WFDC2: variants seen among roughly 807,000 people sequenced by gnomAD.
WFDC2 encodes WAP four-disulfide core domain protein 2.
In WFDC2, 8 loss-of-function variants were observed where a neutral mutation model predicts 12.5. The observed-to-expected ratio is 0.64, with a 90% CI of 0.37 to 1.15. The LOEUF (loss-of-function observed/expected upper bound fraction) is 1.15. Ranked by LOEUF, WFDC2 falls within the 50% of genes most tolerant of loss-of-function variation. The probability of loss-of-function intolerance (pLI) is 0.01; values close to 1 mark genes in which losing one functional copy is unlikely to be tolerated. For synonymous variants in WFDC2, 74 were observed against 67.2 expected (o/e 1.10, Z -0.49); for missense variants, 166 against 159.9 (o/e 1.04, Z -0.21).
rs193257346 is a variant in WFDC2 at position 45,470,288 on chromosome 20, G to A, written c.80-101G>A. 2.4e-5 allele frequency: 35 copies of A among 1,455,158 alleles called. No homozygotes were observed. The African/African-American group carries it at 4.2e-4, about 18-fold the overall frequency. 90.1% of individuals were successfully genotyped at this position (1,455,158 alleles called of 1,614,324 possible). A position where few individuals can be genotyped will look rare whatever the true frequency, so the allele number is the denominator to read the frequency against. On this transcript the variant is annotated intron_variant, in intron 1 of 3. Coordinates refer to ENST00000372676, the MANE Select transcript of WFDC2 (RefSeq NM_006103.4). This position sits in a 1 kb window ranked among gnomAD's most constrained non-coding sequence, Gnocchi z 5.4. The stretch of plus-strand genomic sequence containing the variant: ...CTGTAAGGGGACTCCTAGGGCCAGA[G>A]ACTGAGAATTCCTTGGGGTTAAGGT...
chr20:45,476,580 C>A (rs983462593), intron 2 of WFDC2, among the ~76,000 whole-genome samples: 8 of 152,216 alleles, frequency 5.3e-5, no homozygotes, highest in African/African-American at 1.9e-4. Context: ...GTAACCCAAC[C>A]TTTCTCTCTG....
At chr20:45,476,104 C>G (rs573893009) in intron 2 of WFDC2, among the ~76,000 whole-genome samples, 115 of 152,254 alleles carry the variant, frequency 7.6e-4, no homozygotes, top group Non-Finnish European at 1.3e-3. Context: ...ATACAGCACA[C>G]CAATGGGTCT....
chr20:45,481,346 T>A (rs1991298934), intron 3 of WFDC2, 25 bp from the exon 4 acceptor site: 1 of 152,240 alleles, frequency 6.6e-6, no homozygotes, highest in African/African-American at 2.4e-5. Context: ...TTGTTGATGG[T>A]ATTGTTATAA....
intron 2 of WFDC2, among the ~76,000 whole-genome samples, chr20:45,477,911 G>A (rs1991253563): frequency 1.3e-5 from 2 of 152,360 alleles, no homozygotes; most frequent in South Asian, 2.1e-4. Flanking sequence ...TTGCCGAGCT[G>A]TGTTGGGCTC....
intron 2 of WFDC2, among the ~76,000 whole-genome samples, chr20:45,473,742 G>A (rs182786064): frequency 1.0e-3 from 155 of 152,254 alleles, no homozygotes; most frequent in Non-Finnish European, 1.5e-3. Flanking sequence ...AGCTTGATGG[G>A]GATAGCATTG....
chr20:45,470,842 T>C lies in WFDC2; in HGVS notation c.223+310T>C, dbSNP rs1454244119. The stretch of plus-strand genomic sequence containing the variant: ...CGGCCTGGGGACCCGGGGCCGCAGT[T>C]TCCTTCTCGAACCGGCCGAAGCCTG... On this transcript the variant is annotated intron_variant, in intron 2 of 3. Transcript: ENST00000372676. This position sits in a 1 kb window ranked among gnomAD's most constrained non-coding sequence, Gnocchi z 5.4. Among the ~76,000 whole-genome samples the C allele has an allele frequency of 6.6e-6, 1 of 152,088 alleles. No individual in the cohort carries two copies. Among genetic ancestry groups the C allele is most frequent in the Non-Finnish European group, 1.5e-5 (1 of 67,992 alleles).
chr20:45,481,326 A>G (rs1177380003), intron 3 of WFDC2, 45 bp from the exon 4 acceptor site: 1 of 152,128 alleles, frequency 6.6e-6, no homozygotes, highest in Non-Finnish European at 1.5e-5. Context: ...GCCTAGTCTA[A>G]TGGATATTGT....
chr20:45,471,263 G>T, intron 2 of WFDC2: 1 of 446,848 alleles, frequency 2.2e-6, no homozygotes, highest in Non-Finnish European at 4.8e-6. Context: ...GTGAGCGCGA[G>T]CTGGGGACTC....
intron 2 of WFDC2, chr20:45,471,157 A>T (rs977471376): frequency 8.5e-6 from 4 of 471,192 alleles, no homozygotes; most frequent in African/African-American, 8.0e-5. Context: ...TTTCAGGCCA[A>T]CTGGCTGAGT....
At chr20:45,478,816 G>T (rs548957062) in intron 2 of WFDC2, among the ~76,000 whole-genome samples, 1 of 145,894 alleles carries the variant, frequency 6.9e-6, no homozygotes. Flanking sequence ...TTAGTAGAGC[G>T]GGGGGTCTCG....
intron 3 of WFDC2, 24 bp downstream of exon 3, chr20:45,480,118 T>C: frequency 6.2e-7 from 1 of 1,610,932 alleles, no homozygotes; most frequent in East Asian, 2.2e-5. Flanking sequence ...AAAGAGAAAG[T>C]GCATTGATGG....
chr20:45,480,127 G>A, intron 3 of WFDC2, 33 bp downstream of exon 3: 1 of 1,609,574 alleles, frequency 6.2e-7, no homozygotes, highest in Non-Finnish European at 8.5e-7. Context: ...GTGCATTGAT[G>A]GCCAGGTGTT....
At chr20:45,471,191 T>C (rs1991167573) in intron 2 of WFDC2, 1 of 471,106 alleles carries the variant, frequency 2.1e-6, no homozygotes, top group Non-Finnish European at 4.4e-6. Context: ...TGAGGAATCC[T>C]CCCTGGACAC....
chr20:45,473,040 T>C (rs1991192140), intron 2 of WFDC2, among the ~76,000 whole-genome samples: 1 of 152,044 alleles, frequency 6.6e-6, no homozygotes, highest in Non-Finnish European at 1.5e-5. Flanking sequence ...GGGGTTTTTT[T>C]CTCGTAAATT....
intron 2 of WFDC2, chr20:45,471,204 TATCG>T: frequency 2.1e-6 from 1 of 469,942 alleles, no homozygotes; most frequent in South Asian, 1.6e-5. Context: ...CTGGACACTG[TATCG>T]CCCTTCGTCG....
chr20:45,470,240 C>A lies in WFDC2; in HGVS notation c.80-149C>A. ...CTCCCAGGGGTCAGGGACTCCTGGT[C>A]TGGAAGAAGGAGTCTCTGGGGGCTG... On this transcript the variant is annotated intron_variant, in intron 1 of 3. Coordinates refer to ENST00000372676, the MANE Select transcript of WFDC2 (RefSeq NM_006103.4). This position sits in a 1 kb window ranked among gnomAD's most constrained non-coding sequence, Gnocchi z 5.4. The A allele has an allele frequency of 1.7e-6, 2 of 1,177,710 alleles. No homozygotes were observed. Among genetic ancestry groups the A allele is most frequent in the South Asian group, 1.6e-5 (1 of 61,618 alleles). The allele number at this position is 1,177,710 out of a possible 1,614,324, so 73.0% of individuals were successfully genotyped here. A position where few individuals can be genotyped will look rare whatever the true frequency, so the allele number is the denominator to read the frequency against.
chr20:45,471,872 A>T (rs1371427330), intron 2 of WFDC2, among the ~76,000 whole-genome samples: 1 of 151,888 alleles, frequency 6.6e-6, no homozygotes, highest in Non-Finnish European at 1.5e-5. Context: ...CATGTTGTTT[A>T]CCTCTCTGAG....
At chr20:45,475,390 T>C (rs963309452) in intron 2 of WFDC2, among the ~76,000 whole-genome samples, 3 of 152,232 alleles carry the variant, frequency 2.0e-5, no homozygotes, top group African/African-American at 7.2e-5. Flanking sequence ...TTTGTTCTCA[T>C]TGGTTTCAAA....
chr20:45,471,915 CTA>C (rs1307190101), intron 2 of WFDC2, among the ~76,000 whole-genome samples: 2 of 152,126 alleles, frequency 1.3e-5, no homozygotes, highest in East Asian at 3.9e-4. Flanking sequence ...ATTCCAAACT[CTA>C]TAGGATTGGC....
Sources: gnomAD v4.1 joint callset for allele counts (sites outside exome capture counted in the v4.1 genomes callset) on GRCh38, gnomAD v4.1.1 for gene constraint, Gnocchi (gnomAD v3.1) non-coding constraint, MANE v1.5 for transcripts, NCBI Gene and HGNC (gene_info 2026-07-23, HGNC 2026-07-21) for gene names.